PPP2R5C: variants seen among roughly 807,000 people sequenced by gnomAD.
PPP2R5C encodes the protein serine/threonine-protein phosphatase 2A 56 kDa regulatory subunit gamma isoform.
Under a neutral mutation model 68.9 loss-of-function variants are expected in PPP2R5C, and 7 were observed. The observed-to-expected ratio is 0.10, with a 90% CI of 0.06 to 0.19. PPP2R5C has a LOEUF of 0.19. Ranked by LOEUF, PPP2R5C falls within the 10% of genes least tolerant of loss-of-function variation. PPP2R5C has a pLI of 1.00. For synonymous variants in PPP2R5C, 210 were observed against 222.2 expected (o/e 0.95, Z 0.49); for missense variants, 348 against 641.3 (o/e 0.54, Z 4.94).
chr14:101,824,114 C>T (rs2040254523), intron 1 of PPP2R5C: 66 of 1,288,544 alleles, frequency 5.1e-5, no homozygotes, highest in Non-Finnish European at 6.6e-5. Flanking sequence ...TCGCACATCC[C>T]GAGAGATTCA....
At chr14:101,872,440 G>A (rs1054351137) in intron 2 of PPP2R5C, among the ~76,000 whole-genome samples, 3 of 151,862 alleles carry the variant, frequency 2.0e-5, no homozygotes, top group African/African-American at 7.3e-5. Context: ...GTCTCACTAG[G>A]TTGCCTAAGC....
chr14:101,860,432 C>T (rs1045400607), intron 2 of PPP2R5C, among the ~76,000 whole-genome samples: 1 of 152,136 alleles, frequency 6.6e-6, no homozygotes, highest in Non-Finnish European at 1.5e-5. Context: ...TATTTATCCA[C>T]GTATCTGTTG....
rs2043867946 is a variant in PPP2R5C at position 101,877,614 on chromosome 14, G to A, written c.295-4547G>A. 6.6e-6 allele frequency among the ~76,000 whole-genome samples: 1 copy of A among 152,174 alleles called. No homozygotes were observed. Among genetic ancestry groups the A allele is most frequent in the South Asian group, 2.1e-4 (1 of 4,808 alleles). ...CAGCACCCCAGGTTTCTGTACCTGG[G>A]GCTCCTGCCCCTGATTCGCCCCTGC... On this transcript the variant is annotated intron_variant, in intron 2 of 13. Transcript: ENST00000334743. The surrounding 1 kb of genome is among the most constrained non-coding windows in gnomAD (Gnocchi z 4.2).
At chr14:101,858,566 T>C (rs1258277604) in intron 2 of PPP2R5C, among the ~76,000 whole-genome samples, 1 of 152,150 alleles carries the variant, frequency 6.6e-6, no homozygotes, top group Admixed American at 6.5e-5. Context: ...CTTTTAAATT[T>C]ATTTTCTTCT....
rs557334355 is a variant in PPP2R5C, at chr14:101,863,236, A to G, written c.294+6351A>G. ...GGCAGGAGAATCGCTTGAACTTGGA[A>G]GGCAGAGGTTGTAGCGAGCCGAGAT... On this transcript the variant is annotated intron_variant, in intron 2 of 13. Coordinates refer to ENST00000334743, the Ensembl canonical transcript of PPP2R5C. Among the ~76,000 whole-genome samples, 21 of 151,924 alleles carry G rather than the reference A, an allele frequency of 1.4e-4. No individual in the cohort carries two copies. The South Asian group carries it at 2.1e-3, about 15-fold the overall frequency.
intron 1 of PPP2R5C, among the ~76,000 whole-genome samples, chr14:101,834,409 G>A (rs1364474988): frequency 6.6e-6 from 1 of 152,230 alleles, no homozygotes; most frequent in African/African-American, 2.4e-5. Flanking sequence ...AACTAAAGAT[G>A]GTCCCTTGAT....
chr14:101,800,952 C>T (rs966330210), intron 3 of PPP2R5C, among the ~76,000 whole-genome samples: 3 of 152,068 alleles, frequency 2.0e-5, no homozygotes, highest in South Asian at 2.1e-4. Flanking sequence ...GATTGTGTTA[C>T]GTGAAATAAG....
intron 1 of PPP2R5C, among the ~76,000 whole-genome samples, chr14:101,853,917 G>C (rs1284725249): frequency 6.6e-6 from 1 of 152,106 alleles, no homozygotes; most frequent in Non-Finnish European, 1.5e-5. Flanking sequence ...AAGAATGTGA[G>C]AATGCCAAAC....
chr14:101,881,179 A>G (rs1175738630), intron 2 of PPP2R5C, among the ~76,000 whole-genome samples: 1 of 152,144 alleles, frequency 6.6e-6, no homozygotes, highest in Non-Finnish European at 1.5e-5. Context: ...ACTTGAGGTC[A>G]GGAGTTTGAG....
chr14:101,828,992 T>A (rs1313141330), intron 1 of PPP2R5C, among the ~76,000 whole-genome samples: 1 of 152,234 alleles, frequency 6.6e-6, no homozygotes, highest in Non-Finnish European at 1.5e-5. Flanking sequence ...AAAGATATTC[T>A]TTTTCTTACC....
At chr14:101,908,430 G>A (rs903770688) in intron 10 of PPP2R5C, among the ~76,000 whole-genome samples, 1 of 152,158 alleles carries the variant, frequency 6.6e-6, no homozygotes, top group African/African-American at 2.4e-5. Context: ...CTGGAGTGCA[G>A]TGGCACCATC....
At chr14:101,927,399 G>C (rs1363680539) in exon 14 of PPP2R5C, 1 of 152,638 alleles carries the variant, frequency 6.6e-6, no homozygotes, top group African/African-American at 2.4e-5. Context: ...TCCCTAGTTA[G>C]TACTCGGACT....
In PPP2R5C at chr14:101,922,049, A is replaced by C. The variant is rs1434569679; in HGVS notation, c.1444-3092A>C. On this transcript the variant is annotated intron_variant, in intron 13 of 13. Transcript: ENST00000334743. ...AGGTGTAGAGAGACGGAAGGTGGGC[A>C]GTGCAGGCTCTCATTACTCAACGTG... 5.1e-6 allele frequency: 5 copies of C among 985,440 alleles called. No individual in the cohort carries two copies. In the East Asian group the frequency reaches 3.4e-4, roughly 67 times the overall value. 61.0% of individuals were successfully genotyped at this position (985,440 alleles called of 1,614,324 possible).
intron 2 of PPP2R5C, among the ~76,000 whole-genome samples, chr14:101,775,287 T>C (rs2037360328): frequency 6.6e-6 from 1 of 152,184 alleles, no homozygotes; most frequent in Admixed American, 6.5e-5. Flanking sequence ...AAAGAGCTGC[T>C]TGTTTCATTT....
Position 101,912,559 on chromosome 14 carries a change from G to A in PPP2R5C, c.1326+86G>A, listed in dbSNP as rs1030345706. On this transcript the variant is annotated intron_variant, in intron 12 of 13. Transcript: ENST00000334743. ...GGAATATATGTCTTCACCATGGGGG[G>A]GGTCTCGATTTCACTAACGTTGTAT... 3.8e-5 allele frequency: 54 copies of A among 1,415,126 alleles called. No individual in the cohort carries two copies. In the Middle Eastern group the frequency reaches 1.3e-3, roughly 35 times the overall value. The allele number at this position is 1,415,126 out of a possible 1,614,324, so 87.7% of individuals were successfully genotyped here. A position where few individuals can be genotyped will look rare whatever the true frequency, so the allele number is the denominator to read the frequency against.
chr14:101,811,498 G>A (rs1487657849), intron 1 of PPP2R5C, among the ~76,000 whole-genome samples: 2 of 151,976 alleles, frequency 1.3e-5, no homozygotes, highest in Non-Finnish European at 1.5e-5. Flanking sequence ...GCACCACCAT[G>A]CCCAGCTAAT....
rs935052415 is a variant in PPP2R5C, at chr14:101,917,755, G to A, written c.1327-76G>A. ...CCCTGGGGGGCGGCAGGGGAGATGA[G>A]TCCCTAGCCAGGATGAGAAGCTTGG... On this transcript the variant is annotated intron_variant, in intron 12 of 13. Coordinates refer to ENST00000334743, the Ensembl canonical transcript of PPP2R5C. The surrounding 1 kb of genome is among the most constrained non-coding windows in gnomAD (Gnocchi z 4.4). 1.9e-6 allele frequency: 3 copies of A among 1,596,094 alleles called. No homozygotes were observed. The highest frequency in any genetic ancestry group is 2.6e-6 in the Non-Finnish European group (3 of 1,169,568).
At chr14:101,800,289 C>T (rs1439428119) in intron 3 of PPP2R5C, among the ~76,000 whole-genome samples, 4 of 152,090 alleles carry the variant, frequency 2.6e-5, no homozygotes, top group East Asian at 1.9e-4. Flanking sequence ...AGGCCAGGCA[C>T]GGTGGGTCAT....
intron 13 of PPP2R5C, among the ~76,000 whole-genome samples, chr14:101,923,452 C>G (rs899614961): frequency 1.3e-5 from 2 of 152,156 alleles, no homozygotes; most frequent in African/African-American, 4.8e-5. Context: ...TACAGATCAA[C>G]ATAGAATGGG....
Sources: gnomAD v4.1 joint callset for allele counts (sites outside exome capture counted in the v4.1 genomes callset) on GRCh38, gnomAD v4.1.1 for gene constraint, Gnocchi (gnomAD v3.1) non-coding constraint, MANE v1.5 for transcripts, NCBI Gene and HGNC (gene_info 2026-07-23, HGNC 2026-07-21) for gene names.